The following NTM variants were observed in gnomAD, a reference collection of about 807,000 sequenced individuals.
NTM encodes IgLON family member 2.
Under a neutral mutation model 42.1 loss-of-function variants are expected in NTM, and 13 were observed. The observed-to-expected ratio is 0.31, with a 90% CI of 0.20 to 0.49. The LOEUF (loss-of-function observed/expected upper bound fraction) is 0.49, where lower values mean the gene tolerates loss of function less well. Among genes scored for constraint, NTM ranks in the 20% least tolerant of loss-of-function variants. The pLI is 0.99. For synonymous variants in NTM, 187 were observed against 179.2 expected (o/e 1.04, Z -0.35); for missense variants, 373 against 452.8 (o/e 0.82, Z 1.60).
At position 132,188,068 on chromosome 11, in the gene NTM, G is replaced by C. The variant is rs563193666; in HGVS notation, c.401-23954G>C. ...TCCAGGGAACATTTGGCAATGACTT[G>C]AGACATCCTAGTTTGTCACAACTCT... On this transcript the variant is annotated intron_variant, in intron 3 of 8. Transcript: ENST00000683400. Among the ~76,000 whole-genome samples the C allele has an allele frequency of 2.0e-5, 3 of 152,226 alleles. No homozygotes were observed. In the South Asian group the frequency reaches 6.2e-4, roughly 32 times the overall value.
At chr11:131,529,799 A>G (rs1175847502) in intron 1 of NTM, among the ~76,000 whole-genome samples, 1 of 152,196 alleles carries the variant, frequency 6.6e-6, no homozygotes, top group Non-Finnish European at 1.5e-5. Context: ...TTCTTTGCAA[A>G]TAGGCATAAT....
intron 2 of NTM, among the ~76,000 whole-genome samples, chr11:132,045,482 C>A (rs1009470054): frequency 2.6e-4 from 39 of 151,996 alleles, no homozygotes; most frequent in African/African-American, 9.4e-4. Flanking sequence ...TTGTGTATTC[C>A]CTTATATTCG....
At chr11:131,950,816 G>T (rs956247606) in intron 2 of NTM, among the ~76,000 whole-genome samples, 2 of 152,154 alleles carry the variant, frequency 1.3e-5, no homozygotes, top group Admixed American at 6.5e-5. Context: ...ATCCTCCCAC[G>T]CATGGCCTCT....
In NTM at chr11:131,789,635, AAAAG is replaced by A. The variant is rs1384192007; in HGVS notation, c.83-121926_83-121923del. ...GAAGAAGAAGAAGAAGAAGAAGAAG[AAAAG>A]AAGAAGAAGAAGAAGAAGAAGAAGA... On this transcript the variant is annotated intron_variant, in intron 1 of 8. Transcript: ENST00000683400. Among the ~76,000 whole-genome samples the A allele has an allele frequency of 9.8e-4, 37 of 37,938 alleles. 8 individuals carry two copies. The highest frequency in any genetic ancestry group is 3.3e-3 in the African/African-American group (35 of 10,664). The allele number at this position is 37,938 out of a possible 152,430, so 24.9% of individuals were successfully genotyped here.
chr11:132,058,186 T>C (rs1594201199), intron 2 of NTM, among the ~76,000 whole-genome samples: 1 of 152,254 alleles, frequency 6.6e-6, no homozygotes, highest in East Asian at 1.9e-4. Context: ...ATTGAACCCA[T>C]CTCTGTAACG....
chr11:132,285,578 T>C (rs1205422421), intron 4 of NTM, among the ~76,000 whole-genome samples: 2 of 152,172 alleles, frequency 1.3e-5, no homozygotes, highest in Non-Finnish European at 2.9e-5. Flanking sequence ...CTGGACTTGC[T>C]ATGTCTCGGG....
chr11:132,075,911 T>C (rs539298343), intron 2 of NTM, among the ~76,000 whole-genome samples: 9 of 152,300 alleles, frequency 5.9e-5, no homozygotes, highest in African/African-American at 1.7e-4. Flanking sequence ...ATGCAATAGG[T>C]AACCTTTTTA....
chr11:132,089,531 C>CTGT (rs1261368803), intron 2 of NTM, among the ~76,000 whole-genome samples: 3 of 152,150 alleles, frequency 2.0e-5, no homozygotes, highest in African/African-American at 7.2e-5. Flanking sequence ...ATTGTTTCTG[C>CTGT]TGTTAATCAT....
intron 1 of NTM, among the ~76,000 whole-genome samples, chr11:131,540,154 G>GTTTT (rs57022166): frequency 9.2e-5 from 8 of 86,698 alleles, no homozygotes; most frequent in East Asian, 8.1e-4. Context: ...ATTTAAGCTT[G>GTTTT]TTTTTTTTTT....
At chr11:131,789,480 AGAAGAAGAAGAG>A (rs1250243477) in intron 1 of NTM, among the ~76,000 whole-genome samples, 134 of 12,654 alleles carry the variant, frequency 0.011, 43 homozygotes, top group East Asian at 0.031. Flanking sequence ...AAGAAGAAGA[AGAAGAAGAAGAG>A]GAAAGAAGAA....
intron 1 of NTM, among the ~76,000 whole-genome samples, chr11:131,405,937 T>C (rs1185171491): frequency 1.3e-5 from 2 of 152,248 alleles, no homozygotes; most frequent in Non-Finnish European, 2.9e-5. Flanking sequence ...CCAGATCTGC[T>C]GCTGCTGGCT....
intron 1 of NTM, among the ~76,000 whole-genome samples, chr11:131,905,299 G>T (rs1350835008): frequency 6.6e-6 from 1 of 152,086 alleles, no homozygotes; most frequent in Non-Finnish European, 1.5e-5. Flanking sequence ...CCTTCTTATT[G>T]GATAAATATG....
chr11:132,211,206 C>T (rs947574722), intron 3 of NTM, among the ~76,000 whole-genome samples: 5 of 152,148 alleles, frequency 3.3e-5, no homozygotes, highest in Admixed American at 1.3e-4. Context: ...GAGTTTGAGA[C>T]CAGTCTGGGC....
intron 1 of NTM, among the ~76,000 whole-genome samples, chr11:131,814,331 C>A (rs548327516): frequency 2.0e-5 from 3 of 152,122 alleles, no homozygotes; most frequent in Non-Finnish European, 4.4e-5. Context: ...ATTAACAAAG[C>A]GGCTCTGAAA....
chr11:131,529,242 T>C (rs1192040682), intron 1 of NTM, among the ~76,000 whole-genome samples: 24 of 152,204 alleles, frequency 1.6e-4, no homozygotes, highest in Admixed American at 1.6e-3. Flanking sequence ...GGTCCCCAGA[T>C]AGAAAGGGTA....
chr11:132,273,195 T>C (rs1048367879), intron 4 of NTM, among the ~76,000 whole-genome samples: 1 of 151,932 alleles, frequency 6.6e-6, no homozygotes, highest in African/African-American at 2.4e-5. Flanking sequence ...GTTGAAATGG[T>C]ATATTATATT....
chr11:131,480,382 C>T (rs1043910631), intron 1 of NTM, among the ~76,000 whole-genome samples: 1 of 152,120 alleles, frequency 6.6e-6, no homozygotes, highest in African/African-American at 2.4e-5. Context: ...CCACCAAAAG[C>T]TGTCGCTTGA....
At chr11:132,236,003 C>CAG (rs1218128174) in intron 4 of NTM, among the ~76,000 whole-genome samples, 2 of 142,388 alleles carry the variant, frequency 1.4e-5, no homozygotes, top group Non-Finnish European at 3.1e-5. Context: ...GACACACACA[C>CAG]ACACACACAC....
At chr11:132,106,829 G>C (rs1463784550) in intron 2 of NTM, among the ~76,000 whole-genome samples, 1 of 152,124 alleles carries the variant, frequency 6.6e-6, no homozygotes, top group African/African-American at 2.4e-5. Context: ...CCTGTGAAAA[G>C]CCCAGAGGTG....
Sources: gnomAD v4.1 joint callset for allele counts (sites outside exome capture counted in the v4.1 genomes callset) on GRCh38, gnomAD v4.1.1 for gene constraint, MANE v1.5 for transcripts, NCBI Gene and HGNC (gene_info 2026-07-23, HGNC 2026-07-21) for gene names.